Variants in MECOM observed in about 807,000 individuals in gnomAD.
The protein encoded by MECOM is MDS1 and EVI1 complex locus, also known as histone-lysine N-methyltransferase MECOM.
MECOM carries 13 observed loss-of-function variants against 116.3 expected under a neutral mutation model. The observed-to-expected ratio is 0.11, with a 90% CI of 0.07 to 0.18. MECOM has a LOEUF of 0.18. Among genes scored for constraint, MECOM ranks in the 10% least tolerant of loss-of-function variants. The probability of loss-of-function intolerance (pLI) is 1.00; values close to 1 mark genes in which losing one functional copy is unlikely to be tolerated. For synonymous variants in MECOM, 528 were observed against 535.2 expected (o/e 0.99, Z 0.19); for missense variants, 1,299 against 1,509.0 (o/e 0.86, Z 2.31).
intron 2 of MECOM, among the ~76,000 whole-genome samples, chr3:169,272,700 C>A (rs917646176): frequency 6.6e-6 from 1 of 152,092 alleles, no homozygotes; most frequent in African/African-American, 2.4e-5. Flanking sequence ...GAAAGCAAAT[C>A]ATTTACACAC....
intron 15 of MECOM, 45 bp downstream of exon 15, chr3:169,089,955 T>A (rs1560110412): frequency 6.4e-7 from 1 of 1,573,770 alleles, no homozygotes; most frequent in Non-Finnish European, 8.6e-7. Context: ...CAACCGTACA[T>A]GGATCTACTC....
rs1040510687 is a variant in MECOM at position 169,084,872 on chromosome 3, G to C, written c.*37C>G. 2 of 1,613,114 alleles carry C rather than the reference G, an allele frequency of 1.2e-6. No individual in the cohort carries two copies. Among genetic ancestry groups the C allele is most frequent in the Admixed American group, 1.7e-5 (1 of 59,988 alleles). Reference sequence around the variant, plus strand: ...TCCTATATGAAAGAGCCATGCTACTGTTGGACTTGGTCCCACTCTGGTCAA... The same window carrying C: ...TCCTATATGAAAGAGCCATGCTACTCTTGGACTTGGTCCCACTCTGGTCAA... On this transcript the variant is annotated 3_prime_UTR_variant, in exon 17 of 17. Coordinates refer to ENST00000651503, the MANE Select transcript of MECOM (RefSeq NM_004991.4).
chr3:169,393,876 T>C (rs1421608383), intron 1 of MECOM, among the ~76,000 whole-genome samples: 1 of 152,192 alleles, frequency 6.6e-6, no homozygotes, highest in African/African-American at 2.4e-5. Flanking sequence ...AAGAAAATTT[T>C]CAATTTATTC....
intron 1 of MECOM, among the ~76,000 whole-genome samples, chr3:169,454,563 C>T (rs1746169204): frequency 6.6e-6 from 1 of 151,988 alleles, no homozygotes; most frequent in Non-Finnish European, 1.5e-5. Flanking sequence ...AGTTTTAAGA[C>T]AGATGAAGAT....
intron 2 of MECOM, among the ~76,000 whole-genome samples, chr3:169,272,642 G>C (rs997411975): frequency 2.0e-5 from 3 of 152,110 alleles, no homozygotes; most frequent in African/African-American, 4.8e-5. Context: ...GACCATCTTA[G>C]AAGCTGGTGT....
intron 2 of MECOM, among the ~76,000 whole-genome samples, chr3:169,337,126 C>T (rs901798412): frequency 6.6e-6 from 1 of 152,084 alleles, no homozygotes; most frequent in Non-Finnish European, 1.5e-5. Context: ...TATGTGAAAT[C>T]ACTGCTTAAT....
intron 1 of MECOM, among the ~76,000 whole-genome samples, chr3:169,630,459 A>AC (rs1199551074): frequency 1.3e-5 from 2 of 151,178 alleles, no homozygotes; most frequent in African/African-American, 4.9e-5. Context: ...TCTTAAAAAA[A>AC]AAAAAAAAAA....
intron 1 of MECOM, among the ~76,000 whole-genome samples, chr3:169,604,406 T>C (rs1457473042): frequency 6.6e-6 from 1 of 151,672 alleles, no homozygotes; most frequent in African/African-American, 2.4e-5. Flanking sequence ...ACCTGAGGTG[T>C]AGAGAGATTA....
intron 2 of MECOM, among the ~76,000 whole-genome samples, chr3:169,189,962 T>C (rs1019136054): frequency 1.3e-5 from 2 of 151,942 alleles, no homozygotes; most frequent in African/African-American, 4.8e-5. Context: ...GTCATGTTTA[T>C]GATATCTGAA....
At chr3:169,186,472 T>G (rs1197461489) in intron 2 of MECOM, among the ~76,000 whole-genome samples, 1 of 151,842 alleles carries the variant, frequency 6.6e-6, no homozygotes, top group Non-Finnish European at 1.5e-5. Context: ...TGGGTGACTT[T>G]GGTCATACAT....
intron 1 of MECOM, among the ~76,000 whole-genome samples, chr3:169,562,139 C>CAAAAAAAA (rs10714325): frequency 7.5e-4 from 19 of 25,274 alleles, no homozygotes; most frequent in African/African-American, 8.5e-4. Context: ...GAGCAATACT[C>CAAAAAAAA]AAAAAAAAAA....
chr3:169,178,806 A>G (rs946291074), intron 2 of MECOM, among the ~76,000 whole-genome samples: 1 of 152,226 alleles, frequency 6.6e-6, no homozygotes, highest in South Asian at 2.1e-4. Flanking sequence ...TCATAACTCT[A>G]AAGACTACAA....
intron 2 of MECOM, among the ~76,000 whole-genome samples, chr3:169,378,853 C>T (rs774608851): frequency 4.6e-5 from 7 of 151,986 alleles, no homozygotes; most frequent in Non-Finnish European, 8.8e-5. Flanking sequence ...GAATCTGATG[C>T]ATAGTAGTCC....
At chr3:169,225,833 A>G (rs1752662455) in intron 2 of MECOM, among the ~76,000 whole-genome samples, 1 of 152,034 alleles carries the variant, frequency 6.6e-6, no homozygotes, top group Admixed American at 6.6e-5. Context: ...TGGTCTCGAA[A>G]TCCTGACATC....
intron 1 of MECOM, among the ~76,000 whole-genome samples, chr3:169,653,210 C>T (rs916889199): frequency 6.6e-6 from 1 of 152,118 alleles, no homozygotes; most frequent in Non-Finnish European, 1.5e-5. Context: ...ACAGGTTTTA[C>T]AGCCAAAGAA....
intron 1 of MECOM, among the ~76,000 whole-genome samples, chr3:169,389,358 A>C (rs979761292): frequency 6.6e-6 from 1 of 152,252 alleles, no homozygotes; most frequent in Non-Finnish European, 1.5e-5. Flanking sequence ...TGTGAGTACT[A>C]TTCCAAAGGA....
chr3:169,291,485 C>G (rs941058003), intron 2 of MECOM, among the ~76,000 whole-genome samples: 2 of 152,144 alleles, frequency 1.3e-5, no homozygotes, highest in Admixed American at 6.6e-5. Flanking sequence ...CAGCCTACTT[C>G]AGAAATGCTC....
chr3:169,191,740 G>GAAGAAAGAAAGAA (rs760490760), intron 2 of MECOM, among the ~76,000 whole-genome samples: 1 of 64,274 alleles, frequency 1.6e-5, no homozygotes, highest in African/African-American at 5.0e-5. Flanking sequence ...AAGAAAGAAA[G>GAAGAAAGAAAGAA]AGAAAGAAAG....
At position 169,663,642 on chromosome 3, in the gene MECOM, G is replaced by T. The variant is rs1241206600; in HGVS notation, c.-270C>A. ...TCTCCCTTTCTCTCAATCCACACTC[G>T]CTATCTCTCCAGCATTGTCAGTTTG... On this transcript the variant is annotated 5_prime_UTR_variant, in exon 1 of 17. Coordinates refer to ENST00000651503, the MANE Select transcript of MECOM (RefSeq NM_004991.4). 1 of 546,758 alleles carries T rather than the reference G, an allele frequency of 1.8e-6. No individual in the cohort carries two copies. The highest frequency in any genetic ancestry group is 3.2e-6 in the Non-Finnish European group (1 of 307,840). 33.9% of individuals were successfully genotyped at this position (546,758 alleles called of 1,614,324 possible).
Sources: gnomAD v4.1 joint callset for allele counts (sites outside exome capture counted in the v4.1 genomes callset) on GRCh38, gnomAD v4.1.1 for gene constraint, MANE v1.5 for transcripts, NCBI Gene and HGNC (gene_info 2026-07-23, HGNC 2026-07-21) for gene names.